The following ST6GAL2 variants were observed in gnomAD, a reference collection of about 807,000 sequenced individuals.
The protein encoded by ST6GAL2 is ST6 beta-galactoside alpha-2,6-sialyltransferase 2.
ST6GAL2 carries 24 observed loss-of-function variants against 37.5 expected under a neutral mutation model. The observed-to-expected ratio is 0.64, with a 90% CI of 0.46 to 0.90. The LOEUF (loss-of-function observed/expected upper bound fraction) is 0.90, where lower values mean the gene tolerates loss of function less well. Among genes scored for constraint, ST6GAL2 ranks in the 40% least tolerant of loss-of-function variants. ST6GAL2 has a pLI of 0.00. For synonymous variants in ST6GAL2, 306 were observed against 295.1 expected, an observed-to-expected ratio of 1.04 and a Z score of -0.38; for missense variants, 715 against 712.7, an observed-to-expected ratio of 1.00 and a Z score of -0.04.
chr2:106,832,780 G>T lies in ST6GAL2; in HGVS notation c.1042-114C>A. On this transcript the variant is annotated intron_variant, in intron 3 of 5. Transcript: ENST00000409382. ...GGGCAAAAAAACAGGTGGCTCAGAC[G>T]TTGTATTTTCTTCTGGGGGAGGGAG... is the stretch of plus-strand genomic sequence containing the variant. The T allele has an allele frequency of 5.5e-6, 4 of 731,840 alleles. No homozygotes were observed. In the Admixed American group the frequency reaches 6.1e-5, roughly 11 times the overall value. The allele number at this position is 731,840 out of a possible 1,614,324, so 45.3% of individuals were successfully genotyped here. A position where few individuals can be genotyped will look rare whatever the true frequency, so the allele number is the denominator to read the frequency against.
At chr2:106,831,932 C>T (rs1439214423) in intron 4 of ST6GAL2, among the ~76,000 whole-genome samples, 1 of 152,216 alleles carries the variant, frequency 6.6e-6, no homozygotes, top group East Asian at 1.9e-4. Context: ...AACAAGCATG[C>T]TGGCTTTTCA....
Position 106,843,955 on chromosome 2 carries a change from C to T in ST6GAL2, c.23G>A (p.Trp8Ter), listed in dbSNP as rs1573262067. Reference protein sequence around the residue: MKPHLKQWRQRMLFGIFA... With the variant: MKPHLKQ ...TATTCCGAAAAGCATTCGTTGTCTC[C>T]ATTGCTTCAAGTGTGGTTTCATGGC... The change falls in exon 2 of 6, where the codon TGG becomes TAG. Residue 8 changes from tryptophan to a stop codon, truncating the protein, a stop_gained. Transcript: ENST00000409382. LOFTEE classifies it high-confidence loss of function. 6.3e-7 allele frequency: 1 copy of T among 1,585,760 alleles called. No individual in the cohort carries two copies. Among genetic ancestry groups the T allele is most frequent in the Admixed American group, 1.7e-5 (1 of 59,420 alleles).
intron 1 of ST6GAL2, among the ~76,000 whole-genome samples, chr2:106,861,834 G>T (rs1677812107): frequency 6.6e-6 from 1 of 152,038 alleles, no homozygotes; most frequent in Non-Finnish European, 1.5e-5. Context: ...GTTTTACCGT[G>T]TTGGCCAGGC....
intron 2 of ST6GAL2, among the ~76,000 whole-genome samples, chr2:106,837,866 C>T (rs972667042): frequency 3.9e-5 from 6 of 152,172 alleles, no homozygotes; most frequent in Admixed American, 3.3e-4. Flanking sequence ...AGAAAGATAA[C>T]GCAGTGTAAT....
At chr2:106,855,192 T>C (rs1455369284) in intron 1 of ST6GAL2, among the ~76,000 whole-genome samples, 3 of 152,348 alleles carry the variant, frequency 2.0e-5, no homozygotes, top group Non-Finnish European at 2.9e-5. Context: ...AAGGATACTA[T>C]AGATTCAAAT....
At chr2:106,850,042 G>T (rs1222367288) in intron 1 of ST6GAL2, among the ~76,000 whole-genome samples, 1 of 152,122 alleles carries the variant, frequency 6.6e-6, no homozygotes, top group Admixed American at 6.5e-5. Context: ...CTGGGCCATG[G>T]TCACTCACAT....
At chr2:106,855,527 C>T (rs78717848) in intron 1 of ST6GAL2, among the ~76,000 whole-genome samples, 10,149 of 152,000 alleles carry the variant, frequency 0.067, 440 homozygotes, top group Non-Finnish European at 0.093. Context: ...CCTCTGAGGA[C>T]GGAGGAAAGG....
intron 5 of ST6GAL2, among the ~76,000 whole-genome samples, chr2:106,811,699 G>A (rs1675616204): frequency 6.6e-6 from 1 of 152,040 alleles, no homozygotes; most frequent in Admixed American, 6.6e-5. Context: ...GCTGAGCCTT[G>A]TCATTCACAA....
chr2:106,822,390 G>A, intron 5 of ST6GAL2, among the ~76,000 whole-genome samples: 1 of 151,800 alleles, frequency 6.6e-6, no homozygotes, highest in Non-Finnish European at 1.5e-5. Flanking sequence ...AAATCAAGAA[G>A]GTAATCCCAT....
At chr2:106,871,089 T>C (rs1353690140) in intron 1 of ST6GAL2, among the ~76,000 whole-genome samples, 2 of 152,224 alleles carry the variant, frequency 1.3e-5, no homozygotes, top group South Asian at 2.1e-4. Flanking sequence ...GTATGGCCTA[T>C]TGCTTTGCTC....
chr2:106,816,856 A>C (rs937760455), intron 5 of ST6GAL2, among the ~76,000 whole-genome samples: 14 of 152,146 alleles, frequency 9.2e-5, no homozygotes, highest in Non-Finnish European at 1.9e-4. Flanking sequence ...TTACCTTGCC[A>C]ACACCGTGCC....
chr2:106,858,782 C>A (rs1163116188), intron 1 of ST6GAL2, among the ~76,000 whole-genome samples: 2 of 152,076 alleles, frequency 1.3e-5, no homozygotes, highest in Non-Finnish European at 2.9e-5. Context: ...GGATCGTGAT[C>A]CACTCTGCAC....
At chr2:106,856,403 A>C (rs930683526) in intron 1 of ST6GAL2, among the ~76,000 whole-genome samples, 1 of 152,160 alleles carries the variant, frequency 6.6e-6, no homozygotes, top group Non-Finnish European at 1.5e-5. Context: ...TGTAGACCCA[A>C]ACTGTCCCTC....
intron 5 of ST6GAL2, among the ~76,000 whole-genome samples, chr2:106,810,547 T>G (rs1006078424): frequency 6.6e-6 from 1 of 152,170 alleles, no homozygotes; most frequent in Non-Finnish European, 1.5e-5. Flanking sequence ...CATCCTAAAA[T>G]TAAACAGTAG....
chr2:106,820,657 A>C (rs578182377), intron 5 of ST6GAL2, among the ~76,000 whole-genome samples: 2 of 152,230 alleles, frequency 1.3e-5, no homozygotes, highest in East Asian at 3.9e-4. Flanking sequence ...AAAACATTTC[A>C]TCCAATGGCT....
intron 5 of ST6GAL2, among the ~76,000 whole-genome samples, chr2:106,828,328 T>C (rs1158773096): frequency 6.6e-6 from 1 of 152,216 alleles, no homozygotes; most frequent in Non-Finnish European, 1.5e-5. Context: ...GGCATTATTC[T>C]ATCCTGTTTA....
intron 5 of ST6GAL2, among the ~76,000 whole-genome samples, chr2:106,811,674 C>T (rs2104418255): frequency 1.3e-5 from 2 of 152,238 alleles, no homozygotes; most frequent in Non-Finnish European, 2.9e-5. Flanking sequence ...CAGATCTCTT[C>T]TGCAATGCCC....
At chr2:106,877,443 C>A (rs72933062) in intron 1 of ST6GAL2, among the ~76,000 whole-genome samples, 2 of 152,232 alleles carry the variant, frequency 1.3e-5, no homozygotes, top group Non-Finnish European at 2.9e-5. Context: ...TGATGTCACT[C>A]GCCCAAGCGT....
intron 1 of ST6GAL2, among the ~76,000 whole-genome samples, chr2:106,864,706 T>C (rs1677950445): frequency 6.6e-6 from 1 of 152,196 alleles, no homozygotes; most frequent in South Asian, 2.1e-4. Flanking sequence ...TCAGGAAGAT[T>C]TTAATTGGGC....
Sources: gnomAD v4.1 joint callset for allele counts (sites outside exome capture counted in the v4.1 genomes callset) on GRCh38, gnomAD v4.1.1 for gene constraint, MANE v1.5 for transcripts, NCBI Gene and HGNC (gene_info 2026-07-23, HGNC 2026-07-21) for gene names.